RILPL1: variants seen among roughly 807,000 people sequenced by gnomAD.
RILPL1 encodes RILP-like protein 1.
In RILPL1, 33 loss-of-function variants were observed where a neutral mutation model predicts 50.3. The ratio of observed to expected loss-of-function variants is 0.66; its 90% CI spans 0.50 to 0.88. The LOEUF is 0.88. Ranked by LOEUF, RILPL1 falls within the 40% of genes least tolerant of loss-of-function variation. RILPL1 has a pLI of 0.00. For missense variants in RILPL1, 418 were observed against 542.5 expected (o/e 0.77, Z 2.28); for synonymous variants, 205 against 228.6 (o/e 0.90, Z 0.93).
intron 6 of RILPL1, chr12:123,475,489 G>A (rs144835480): frequency 0.014 from 8,248 of 610,672 alleles, 97 homozygotes; most frequent in Middle Eastern, 0.041. Flanking sequence ...AGTAGACCGA[G>A]CGCAGCCAGT....
chr12:123,481,358 C>CAAA (rs1250502610), intron 6 of RILPL1, among the ~76,000 whole-genome samples: 1 of 107,042 alleles, frequency 9.3e-6, no homozygotes, highest in Admixed American at 9.7e-5. Context: ...GACTCCCTCT[C>CAAA]AAAAAAAAAA....
rs1300136765 is a variant in RILPL1, at chr12:123,522,303, C to T, written c.460+1192G>A. Among the ~76,000 whole-genome samples, 1 of 152,200 alleles carries T rather than the reference C, an allele frequency of 6.6e-6. No homozygotes were observed. Among genetic ancestry groups the T allele is most frequent in the Non-Finnish European group, 1.5e-5 (1 of 68,048 alleles). ...GCAGAGCAGATGCCGCCCACAGCCC[C>T]GCCTGGCCCGAATCTTGCGGCCCAT... On this transcript the variant is annotated intron_variant, in intron 2 of 6. Transcript: ENST00000376874. The surrounding 1 kb of genome is among the most constrained non-coding windows in gnomAD (Gnocchi z 4.0).
At chr12:123,518,791 G>C (rs1006597872) in intron 2 of RILPL1, among the ~76,000 whole-genome samples, 2 of 152,000 alleles carry the variant, frequency 1.3e-5, no homozygotes, top group African/African-American at 4.8e-5. Flanking sequence ...GGGCGCGGTG[G>C]CTCATGCCTG....
chr12:123,479,233 T>C (rs1212469325), intron 6 of RILPL1, among the ~76,000 whole-genome samples: 1 of 152,136 alleles, frequency 6.6e-6, no homozygotes, highest in Non-Finnish European at 1.5e-5. Context: ...TGGGGATAAT[T>C]ATCCCAGCTC....
At position 123,522,554 on chromosome 12, in the gene RILPL1, G is replaced by A. The variant is rs1885105946; in HGVS notation, c.460+941C>T. Among the ~76,000 whole-genome samples the A allele has an allele frequency of 6.6e-6, 1 of 151,784 alleles. No individual in the cohort carries two copies. The highest frequency in any genetic ancestry group is 1.5e-5 in the Non-Finnish European group (1 of 68,024). ...TAAGGAGCTACATGAACTGACCCCT[G>A]TGACCTCATTTCCAGCCTCCTGAGG... On this transcript the variant is annotated intron_variant, in intron 2 of 6. Coordinates refer to ENST00000376874, the MANE Select transcript of RILPL1 (RefSeq NM_178314.5). This position sits in a 1 kb window ranked among gnomAD's most constrained non-coding sequence, Gnocchi z 4.0.
chr12:123,507,921 A>G (rs1260937787), intron 2 of RILPL1, among the ~76,000 whole-genome samples: 1 of 148,704 alleles, frequency 6.7e-6, no homozygotes, highest in African/African-American at 2.5e-5. Context: ...AGCCTGGGCA[A>G]AGAGAGTGAA....
intron 1 of RILPL1, among the ~76,000 whole-genome samples, chr12:123,526,255 G>A (rs975807675): frequency 6.6e-6 from 1 of 151,838 alleles, no homozygotes; most frequent in South Asian, 2.1e-4. Context: ...GTAGTGAGCC[G>A]AGATCAAGCC....
At chr12:123,500,405 T>G (rs1043503615) in intron 2 of RILPL1, among the ~76,000 whole-genome samples, 6 of 148,688 alleles carry the variant, frequency 4.0e-5, no homozygotes, top group Non-Finnish European at 8.9e-5. Flanking sequence ...CACCTCAGCC[T>G]CCCAAGTAGC....
At chr12:123,528,241 T>C (rs958071983) in intron 1 of RILPL1, among the ~76,000 whole-genome samples, 3 of 151,618 alleles carry the variant, frequency 2.0e-5, no homozygotes, top group Non-Finnish European at 4.4e-5. Flanking sequence ...ATGCCTGCAG[T>C]TGAGCTACTT....
At chr12:123,526,199 G>T (rs1885250329) in intron 1 of RILPL1, among the ~76,000 whole-genome samples, 1 of 151,880 alleles carries the variant, frequency 6.6e-6, no homozygotes. Context: ...CCCGCTACTT[G>T]GGAAGCTGAG....
At chr12:123,504,437 G>A (rs970609744) in intron 2 of RILPL1, among the ~76,000 whole-genome samples, 1 of 152,148 alleles carries the variant, frequency 6.6e-6, no homozygotes, top group Non-Finnish European at 1.5e-5. Context: ...AGCAGGCGAC[G>A]ATGCCAGTGC....
intron 6 of RILPL1, chr12:123,475,921 T>C (rs1881561894): frequency 2.3e-6 from 1 of 432,386 alleles, no homozygotes; most frequent in Non-Finnish European, 4.0e-6. Context: ...TTTTTTTTTT[T>C]GAGACAGAGT....
intron 4 of RILPL1, among the ~76,000 whole-genome samples, chr12:123,486,168 TCTC>T (rs913232666): frequency 6.6e-6 from 1 of 152,092 alleles, no homozygotes; most frequent in African/African-American, 2.4e-5. Flanking sequence ...CCTCCTTTCA[TCTC>T]CTTACTAAGA....
intron 2 of RILPL1, among the ~76,000 whole-genome samples, chr12:123,502,594 G>A (rs1054324803): frequency 6.6e-6 from 1 of 152,090 alleles, no homozygotes; most frequent in Non-Finnish European, 1.5e-5. Flanking sequence ...TAGACTGTCA[G>A]CCACAGGAGG....
Position 123,491,040 on chromosome 12 carries a change from A to G in RILPL1, c.802-5235T>C, listed in dbSNP as rs1358686518. On this transcript the variant is annotated intron_variant, in intron 4 of 6. Transcript: ENST00000376874. The surrounding 1 kb of genome is among the most constrained non-coding windows in gnomAD (Gnocchi z 4.0). ...GTTGGGATTACAGGCGTGAGCCACCATGCCCGCCCTGACTTCTAATACTAT... is the reference window on the plus strand; with the variant it reads ...GTTGGGATTACAGGCGTGAGCCACCGTGCCCGCCCTGACTTCTAATACTAT... Among the ~76,000 whole-genome samples the G allele has an allele frequency of 6.6e-6, 1 of 152,208 alleles. No homozygotes were observed. Among genetic ancestry groups the G allele is most frequent in the Admixed American group, 6.5e-5 (1 of 15,272 alleles).
rs1883138679 is a variant in RILPL1, at chr12:123,498,020, T to C, written c.801+524A>G. ...TCCATGTGGACAGGGATCATGTCTG[T>C]ATTTTGCTCGCTATTTTATCCTCTG... On this transcript the variant is annotated intron_variant, in intron 4 of 6. Coordinates refer to ENST00000376874, the MANE Select transcript of RILPL1 (RefSeq NM_178314.5). This position sits in a 1 kb window ranked among gnomAD's most constrained non-coding sequence, Gnocchi z 4.3. Among the ~76,000 whole-genome samples, 1 of 152,196 alleles carries C rather than the reference T, an allele frequency of 6.6e-6. No individual in the cohort carries two copies. Among genetic ancestry groups the C allele is most frequent in the Admixed American group, 6.5e-5 (1 of 15,276 alleles).
intron 6 of RILPL1, chr12:123,475,433 A>T: frequency 1.8e-6 from 1 of 555,676 alleles, no homozygotes; most frequent in Non-Finnish European, 3.2e-6. Flanking sequence ...AGAAGAGACA[A>T]AAAGAATTAT....
chr12:123,523,026 ACCT>A (rs1270253260), intron 2 of RILPL1, among the ~76,000 whole-genome samples: 21 of 151,786 alleles, frequency 1.4e-4, no homozygotes, highest in African/African-American at 5.1e-4. Context: ...TTCAAATGTG[ACCT>A]CCTCGAAGGC....
intron 6 of RILPL1, among the ~76,000 whole-genome samples, chr12:123,481,879 T>G (rs568559196): frequency 6.6e-6 from 1 of 150,884 alleles, no homozygotes; most frequent in East Asian, 2.0e-4. Flanking sequence ...TGTTTTCTTT[T>G]TTCTTTTTTG....
Sources: gnomAD v4.1 joint callset for allele counts (sites outside exome capture counted in the v4.1 genomes callset) on GRCh38, gnomAD v4.1.1 for gene constraint, Gnocchi (gnomAD v3.1) non-coding constraint, MANE v1.5 for transcripts, NCBI Gene and HGNC (gene_info 2026-07-23, HGNC 2026-07-21) for gene names.